Variants in CALN1 observed in about 807,000 individuals in gnomAD.
CALN1 encodes calneuron 1, also known as calcium-binding protein 8.
A neutral mutation model predicts 30.6 loss-of-function variants in CALN1; 17 were observed. That is an observed-to-expected ratio of 0.56 (90% CI 0.38 to 0.83). The LOEUF (loss-of-function observed/expected upper bound fraction) is 0.83. CALN1 is among the 40% of genes least tolerant of loss of function. The probability of loss-of-function intolerance (pLI) is 0.00; values close to 1 mark genes in which losing one functional copy is unlikely to be tolerated. For missense variants in CALN1, 291 were observed against 354.9 expected, an observed-to-expected ratio of 0.82 and a Z score of 1.45; for synonymous variants, 156 against 131.4, an observed-to-expected ratio of 1.19 and a Z score of -1.28.
chr7:72,323,758 T>C lies in CALN1; in HGVS notation c.120-44948A>G, dbSNP rs191143605. 6.6e-5 allele frequency among the ~76,000 whole-genome samples: 10 copies of C among 152,132 alleles called. No homozygotes were observed. In the East Asian group the frequency reaches 1.9e-3, roughly 29 times the overall value. On this transcript the variant is annotated intron_variant, in intron 2 of 6. Transcript: ENST00000395275. ...CAAACTCAACGATCATAATTTGCAG[T>C]TTAGGCTGAGCACGGTGGCTCATGC...
intron 3 of CALN1, among the ~76,000 whole-genome samples, chr7:72,244,674 G>A (rs1414149092): frequency 2.6e-5 from 4 of 151,492 alleles, no homozygotes; most frequent in Admixed American, 6.6e-5. Flanking sequence ...TGGGGGTTGA[G>A]TAGGAACTCA....
rs1487423439 is a variant in CALN1, at chr7:71,984,516, C to CTGGAGAGAACATT, written c.501+39128_501+39140dup. Reference sequence around the variant, plus strand: ...AGAAGAGTTAACTTGCCCCCACGCACTGGAGAGAACATTTGGACCATGCTG... The same window carrying CTGGAGAGAACATT: ...AGAAGAGTTAACTTGCCCCCACGCACTGGAGAGAACATTTGGAGAGAACATTTGGACCATGCTG... On this transcript the variant is annotated intron_variant, in intron 5 of 6. Transcript: ENST00000395275. 2.6e-5 allele frequency among the ~76,000 whole-genome samples: 4 copies of CTGGAGAGAACATT among 152,216 alleles called. No homozygotes were observed. The East Asian group carries it at 7.7e-4, about 29-fold the overall frequency.
At chr7:72,458,223 A>T in the CALN1 span, among the ~76,000 whole-genome samples, 387 of 84,010 alleles carry the variant, frequency 4.6e-3, 32 homozygotes, top group East Asian at 0.03. Context: ...ATAATATATT[A>T]TATAATATAT....
At chr7:72,244,390 C>A (rs1310806278) in intron 3 of CALN1, among the ~76,000 whole-genome samples, 2 of 152,128 alleles carry the variant, frequency 1.3e-5, no homozygotes, top group Non-Finnish European at 2.9e-5. Context: ...TAAGTTCCTA[C>A]AACGTACAAG....
intron 2 of CALN1, among the ~76,000 whole-genome samples, chr7:72,385,987 T>C (rs1805190093): frequency 6.6e-6 from 1 of 152,200 alleles, no homozygotes; most frequent in African/African-American, 2.4e-5. Flanking sequence ...CACGGATTGA[T>C]CTTAAATTCA....
chr7:72,308,462 G>A (rs535066455), intron 2 of CALN1, among the ~76,000 whole-genome samples: 1 of 151,332 alleles, frequency 6.6e-6, no homozygotes, highest in Non-Finnish European at 1.5e-5. Context: ...TGAGCTGCTT[G>A]GATGCAATGC....
chr7:71,836,677 G>C (rs1262544849), intron 5 of CALN1, among the ~76,000 whole-genome samples: 1 of 147,524 alleles, frequency 6.8e-6, no homozygotes, highest in Non-Finnish European at 1.5e-5. Flanking sequence ...GGAGTGCAGT[G>C]GCGGATCCTG....
intron 2 of CALN1, among the ~76,000 whole-genome samples, chr7:72,366,182 AT>A (rs1310096946): frequency 1.3e-5 from 2 of 150,774 alleles, no homozygotes; most frequent in Non-Finnish European, 3.0e-5. Flanking sequence ...ATTTTATTTT[AT>A]TTATTTTTGA....
At chr7:72,411,348 C>T (rs993778893) in intron 1 of CALN1, among the ~76,000 whole-genome samples, 7 of 151,680 alleles carry the variant, frequency 4.6e-5, no homozygotes, top group African/African-American at 1.7e-4. Context: ...AAAAGAACCA[C>T]AAAGAAATCA....
chr7:71,883,565 G>A (rs1446405642), intron 5 of CALN1, among the ~76,000 whole-genome samples: 2 of 152,160 alleles, frequency 1.3e-5, no homozygotes, highest in East Asian at 3.8e-4. Context: ...AAGTGTGGAG[G>A]AGAAGGGCAA....
chr7:72,348,933 G>A (rs1481830892), intron 2 of CALN1, among the ~76,000 whole-genome samples: 2 of 152,048 alleles, frequency 1.3e-5, no homozygotes, highest in East Asian at 1.9e-4. Flanking sequence ...CAATGGCAAT[G>A]GAATCTGCAG....
intron 2 of CALN1, among the ~76,000 whole-genome samples, chr7:72,354,496 A>AT (rs1803111374): frequency 6.6e-6 from 1 of 152,150 alleles, no homozygotes; most frequent in South Asian, 2.1e-4. Context: ...AGCCAAAACC[A>AT]TTTTTTCAGA....
intron 5 of CALN1, among the ~76,000 whole-genome samples, chr7:71,831,288 G>C (rs1705747311): frequency 6.6e-6 from 1 of 152,110 alleles, no homozygotes; most frequent in South Asian, 2.1e-4. Context: ...AGATCAGCCT[G>C]GCCAAGATGG....
chr7:72,330,161 C>T (rs1349533129), intron 2 of CALN1, among the ~76,000 whole-genome samples: 5 of 151,848 alleles, frequency 3.3e-5, no homozygotes, highest in South Asian at 2.1e-4. Flanking sequence ...GGCGTGGTGG[C>T]GGGCGCCTGT....
chr7:71,970,756 C>T (rs977385033), intron 5 of CALN1, among the ~76,000 whole-genome samples: 2 of 152,126 alleles, frequency 1.3e-5, no homozygotes, highest in Non-Finnish European at 2.9e-5. Flanking sequence ...GGAAGTGCTC[C>T]TTATTCACAA....
intron 5 of CALN1, among the ~76,000 whole-genome samples, chr7:71,945,703 A>C (rs1796370154): frequency 6.6e-6 from 1 of 151,576 alleles, no homozygotes. Flanking sequence ...TCACCCCCAG[A>C]GGAGATCGTC....
intron 3 of CALN1, among the ~76,000 whole-genome samples, chr7:72,132,811 G>T (rs562440997): frequency 6.6e-6 from 1 of 151,964 alleles, no homozygotes; most frequent in Non-Finnish European, 1.5e-5. Flanking sequence ...TTAAAGTAGG[G>T]GTCCCCAACC....
chr7:72,168,233 CA>C (rs61366296), intron 3 of CALN1, among the ~76,000 whole-genome samples: 5,509 of 140,658 alleles, frequency 0.039, 250 homozygotes, highest in African/African-American at 0.12. Context: ...TGCAAACAAG[CA>C]AAAAAAAAAA....
intron 2 of CALN1, among the ~76,000 whole-genome samples, chr7:72,309,589 T>C (rs1329944422): frequency 6.6e-6 from 1 of 151,962 alleles, no homozygotes; most frequent in African/African-American, 2.4e-5. Context: ...TCAAGAGCCC[T>C]TGGCGGAGGG....
Sources: gnomAD v4.1 joint callset for allele counts (sites outside exome capture counted in the v4.1 genomes callset) on GRCh38, gnomAD v4.1.1 for gene constraint, MANE v1.5 for transcripts, NCBI Gene and HGNC (gene_info 2026-07-23, HGNC 2026-07-21) for gene names.